NUAK1: variants seen among roughly 807,000 people sequenced by gnomAD.
NUAK1 encodes the protein NUAK family SNF1-like kinase 1.
In NUAK1, 26 loss-of-function variants were observed where a neutral mutation model predicts 56.9. The observed-to-expected ratio is 0.46, with a 90% CI of 0.33 to 0.63. The LOEUF (loss-of-function observed/expected upper bound fraction) is 0.63, where lower values mean the gene tolerates loss of function less well. NUAK1 is among the 30% of genes least tolerant of loss of function. The pLI, the probability that NUAK1 is intolerant of heterozygous loss-of-function variation, is 0.02. For synonymous variants in NUAK1, 337 were observed against 336.0 expected (o/e 1.00, Z -0.03); for missense variants, 727 against 876.1 (o/e 0.83, Z 2.15).
At chr12:106,074,476 T>C (rs1486934456) in intron 4 of NUAK1, among the ~76,000 whole-genome samples, 1 of 152,108 alleles carries the variant, frequency 6.6e-6, no homozygotes. Flanking sequence ...GTTTAAGGAG[T>C]TTGAGGTTAC....
chr12:106,099,883 C>T (rs768545146), intron 2 of NUAK1, among the ~76,000 whole-genome samples: 8 of 151,438 alleles, frequency 5.3e-5, no homozygotes, highest in East Asian at 2.0e-4. Flanking sequence ...CTCCACCTTC[C>T]GGGTTCAAGT....
chr12:106,077,802 A>G (rs1352510939), intron 4 of NUAK1, among the ~76,000 whole-genome samples: 1 of 152,226 alleles, frequency 6.6e-6, no homozygotes, highest in East Asian at 1.9e-4. Context: ...CTTGCACATT[A>G]GCCATTCTAA....
intron 1 of NUAK1, among the ~76,000 whole-genome samples, chr12:106,109,823 T>C (rs962421567): frequency 2.0e-5 from 3 of 152,168 alleles, no homozygotes; most frequent in Non-Finnish European, 4.4e-5. Flanking sequence ...CATCAGGTGC[T>C]CAAGAATACA....
chr12:106,071,057 G>A, intron 5 of NUAK1, 151 bp from the exon 6 acceptor site: 1 of 751,972 alleles, frequency 1.3e-6, no homozygotes, highest in Non-Finnish European at 2.2e-6. Flanking sequence ...AGTGCAGCCT[G>A]ACACCTGACA....
At chr12:106,120,358 A>G (rs1327039183) in intron 1 of NUAK1, among the ~76,000 whole-genome samples, 1 of 152,214 alleles carries the variant, frequency 6.6e-6, no homozygotes, top group African/African-American at 2.4e-5. Flanking sequence ...AAAATGCCCA[A>G]TATTGTGCCC....
intron 1 of NUAK1, among the ~76,000 whole-genome samples, chr12:106,131,128 A>G (rs2033073713): frequency 1.3e-5 from 2 of 152,152 alleles, no homozygotes; most frequent in Admixed American, 6.6e-5. Context: ...TGAGAGATAG[A>G]GGCTTCCACC....
At chr12:106,119,877 T>C (rs2032956013) in intron 1 of NUAK1, among the ~76,000 whole-genome samples, 1 of 152,182 alleles carries the variant, frequency 6.6e-6, no homozygotes, top group Non-Finnish European at 1.5e-5. Context: ...AACTTTGTTT[T>C]AAGAAGGCAA....
rs759284474 is a variant in NUAK1, at chr12:106,138,488, C to T, written c.166G>A (p.Glu56Lys). The T allele has an allele frequency of 6.2e-7, 1 of 1,613,606 alleles. No individual in the cohort carries two copies. The highest frequency in any genetic ancestry group is 8.5e-7 in the Non-Finnish European group (1 of 1,179,856). The change falls in exon 1 of 7, where the codon GAG becomes AAG. Residue 56 changes from glutamate to lysine, a missense_variant. Glu to Lys is a moderately conservative substitution (Grantham distance 56). Transcript: ENST00000261402. This position sits in a 1 kb window ranked among gnomAD's most constrained non-coding sequence, Gnocchi z 5.0. ...HHKHNLKHRY[E>K]LQETLGKGTY... ...CCTTTGCCCAGGGTCTCCTGCAGCT[C>T]GTAGCGGTGCTTCAAGTTGTGCTTG...
chr12:106,116,136 A>G (rs928782441), intron 1 of NUAK1, among the ~76,000 whole-genome samples: 1 of 152,214 alleles, frequency 6.6e-6, no homozygotes, highest in Non-Finnish European at 1.5e-5. Context: ...AGTACTAAGC[A>G]TGTGCCTAAT....
At chr12:106,124,893 A>G (rs1188810711) in intron 1 of NUAK1, among the ~76,000 whole-genome samples, 1 of 151,962 alleles carries the variant, frequency 6.6e-6, no homozygotes. Flanking sequence ...GCTACTCGGG[A>G]GGTTGAGGCA....
intron 2 of NUAK1, among the ~76,000 whole-genome samples, chr12:106,093,542 T>C (rs772289364): frequency 2.6e-5 from 4 of 152,202 alleles, no homozygotes; most frequent in Admixed American, 1.3e-4. Flanking sequence ...ACACAACTTG[T>C]AGAACTTGAG....
intron 1 of NUAK1, among the ~76,000 whole-genome samples, chr12:106,127,677 T>C (rs971984530): frequency 4.6e-5 from 7 of 152,180 alleles, no homozygotes; most frequent in African/African-American, 1.4e-4. Context: ...GAATTGAAGA[T>C]ACTTCCTGCT....
intron 1 of NUAK1, among the ~76,000 whole-genome samples, chr12:106,110,292 T>C (rs894664388): frequency 2.0e-5 from 3 of 152,202 alleles, no homozygotes; most frequent in African/African-American, 7.2e-5. Flanking sequence ...AATTTGACTG[T>C]TCATCCACTT....
intron 1 of NUAK1, among the ~76,000 whole-genome samples, chr12:106,118,179 T>A (rs543794425): frequency 6.6e-6 from 1 of 152,172 alleles, no homozygotes; most frequent in South Asian, 2.1e-4. Context: ...CACCTATAGA[T>A]ACAATGTCAT....
Position 106,138,636 on chromosome 12 carries a change from C to T in NUAK1, c.18G>A (p.Ala6=). The change falls in exon 1 of 7, where the codon GCG becomes GCA. Residue 6 remains alanine, a synonymous_variant. Transcript: ENST00000261402. This position sits in a 1 kb window ranked among gnomAD's most constrained non-coding sequence, Gnocchi z 5.0. MEGAA[A]PVAGDRPDLG... ...AGTCGGGGCGGTCCCCCGCCACAGG[C>T]GCGGCGGCCCCTTCCATGTCCAAGC... 1 of 1,544,724 alleles carries T rather than the reference C, an allele frequency of 6.5e-7. No homozygotes were observed. The highest frequency in any genetic ancestry group is 8.7e-7 in the Non-Finnish European group (1 of 1,154,142).
At chr12:106,082,697 C>G (rs2032529404) in intron 4 of NUAK1, among the ~76,000 whole-genome samples, 1 of 152,194 alleles carries the variant, frequency 6.6e-6, no homozygotes, top group Non-Finnish European at 1.5e-5. Context: ...AGCAAGAGGT[C>G]ACTGGGTCAT....
chr12:106,129,719 C>T (rs2033058065), intron 1 of NUAK1, among the ~76,000 whole-genome samples: 1 of 152,152 alleles, frequency 6.6e-6, no homozygotes, highest in Non-Finnish European at 1.5e-5. Flanking sequence ...GTAATATTAC[C>T]TCTAGTTTTC....
At chr12:106,076,354 G>A (rs1285580449) in intron 4 of NUAK1, among the ~76,000 whole-genome samples, 1 of 152,200 alleles carries the variant, frequency 6.6e-6, no homozygotes, top group East Asian at 1.9e-4. Context: ...GCTGCAAATG[G>A]AGAGGATGAC....
chr12:106,135,714 CA>C (rs2033123106), intron 1 of NUAK1, among the ~76,000 whole-genome samples: 1 of 152,172 alleles, frequency 6.6e-6, no homozygotes, highest in South Asian at 2.1e-4. Flanking sequence ...AAATTCTACC[CA>C]AAGATCAAAA....
Sources: gnomAD v4.1 joint callset for allele counts (sites outside exome capture counted in the v4.1 genomes callset) on GRCh38, gnomAD v4.1.1 for gene constraint, Gnocchi (gnomAD v3.1) non-coding constraint, MANE v1.5 for transcripts, NCBI Gene and HGNC (gene_info 2026-07-23, HGNC 2026-07-21) for gene names.